The following TMEM74 variants were observed in gnomAD, a reference collection of about 807,000 sequenced individuals.
TMEM74 encodes the protein transmembrane protein 74.
TMEM74 carries 13 observed loss-of-function variants against 18.1 expected under a neutral mutation model. The ratio of observed to expected loss-of-function variants is 0.72; its 90% CI spans 0.47 to 1.14. TMEM74 has a LOEUF of 1.14. TMEM74 is among the 50% of genes most tolerant of loss of function. The pLI, the probability that TMEM74 is intolerant of heterozygous loss-of-function variation, is 0.00. For synonymous variants in TMEM74, 159 were observed against 146.6 expected (o/e 1.08, Z -0.61); for missense variants, 372 against 375.9 (o/e 0.99, Z 0.09).
chr8:108,627,144 G>A (rs570067277), intron 2 of TMEM74, among the ~76,000 whole-genome samples: 1 of 151,862 alleles, frequency 6.6e-6, no homozygotes, highest in Non-Finnish European at 1.5e-5. Context: ...TTATTACTTG[G>A]GTTTTTAGAG....
chr8:108,688,991 G>T (rs1813198275), intron 1 of TMEM74, among the ~76,000 whole-genome samples: 1 of 152,162 alleles, frequency 6.6e-6, no homozygotes, highest in Non-Finnish European at 1.5e-5. Context: ...TATGCCAAGG[G>T]AATGGGGGTG....
At chr8:108,768,575 G>T (rs1814135692) in intron 1 of TMEM74, among the ~76,000 whole-genome samples, 1 of 152,076 alleles carries the variant, frequency 6.6e-6, no homozygotes, top group African/African-American at 2.4e-5. Flanking sequence ...AGCTCCTCCT[G>T]TAACCCAAGT....
intron 1 of TMEM74, among the ~76,000 whole-genome samples, chr8:108,686,891 C>T (rs4735074): frequency 1.3e-5 from 2 of 151,794 alleles, no homozygotes; most frequent in African/African-American, 2.4e-5. Context: ...ATCAACACTC[C>T]CATAAGGAAG....
chr8:108,743,843 A>G (rs1222912321), intron 1 of TMEM74, among the ~76,000 whole-genome samples: 2 of 152,092 alleles, frequency 1.3e-5, no homozygotes, highest in Non-Finnish European at 2.9e-5. Context: ...ACCTCCCTCC[A>G]GGGGCACTCT....
At chr8:108,624,629 G>T (rs899607463) in intron 2 of TMEM74, among the ~76,000 whole-genome samples, 2 of 151,924 alleles carry the variant, frequency 1.3e-5, no homozygotes, top group Non-Finnish European at 2.9e-5. Flanking sequence ...TCAACAGTAG[G>T]ACACTCTATT....
intron 2 of TMEM74, among the ~76,000 whole-genome samples, chr8:108,611,270 A>G (rs893417626): frequency 5.3e-5 from 8 of 152,170 alleles, no homozygotes; most frequent in Admixed American, 4.6e-4. Context: ...TTCCATTTCC[A>G]AAGATTTAGG....
chr8:108,632,687 A>G (rs1037729268), intron 2 of TMEM74, among the ~76,000 whole-genome samples: 1 of 152,122 alleles, frequency 6.6e-6, no homozygotes, highest in African/African-American at 2.4e-5. Context: ...TAACATGTTA[A>G]TATGTTAGAT....
chr8:108,695,291 T>C (rs1813269714), intron 1 of TMEM74, among the ~76,000 whole-genome samples: 1 of 152,170 alleles, frequency 6.6e-6, no homozygotes, highest in Non-Finnish European at 1.5e-5. Context: ...TTAGCTAAAT[T>C]AATGCAATGC....
chr8:108,688,334 C>T (rs1293509371), intron 1 of TMEM74, among the ~76,000 whole-genome samples: 2 of 152,188 alleles, frequency 1.3e-5, no homozygotes, highest in Admixed American at 6.5e-5. Context: ...TTAGATACTG[C>T]CCTTGAGCGT....
At chr8:108,666,927 T>A (rs917041125) in intron 1 of TMEM74, among the ~76,000 whole-genome samples, 5 of 152,158 alleles carry the variant, frequency 3.3e-5, no homozygotes, top group Admixed American at 1.3e-4. Flanking sequence ...TGATTTTTGT[T>A]CAAACTTATT....
chr8:108,703,634 T>C (rs1043733479), intron 1 of TMEM74, among the ~76,000 whole-genome samples: 1 of 152,258 alleles, frequency 6.6e-6, no homozygotes, highest in African/African-American at 2.4e-5. Context: ...TTCATACTTA[T>C]GCCTGTGGCT....
chr8:108,665,195 G>T (rs1812936813), intron 1 of TMEM74, among the ~76,000 whole-genome samples: 1 of 152,142 alleles, frequency 6.6e-6, no homozygotes, highest in Non-Finnish European at 1.5e-5. Context: ...TGCATGTTCT[G>T]TGCCAGAAAC....
chr8:108,613,430 A>G lies in TMEM74; in HGVS notation n.265-4604T>C, dbSNP rs1812354212. On this transcript the variant is annotated intron_variant and non_coding_transcript_variant, in intron 2 of 3. Coordinates refer to the TMEM74 transcript ENST00000518838. ...AGAAGATCAGGAATATCCAATCAGGAATCAATTAATGGGAGAGAAGAATAC... is the reference window on the plus strand; with the variant it reads ...AGAAGATCAGGAATATCCAATCAGGGATCAATTAATGGGAGAGAAGAATAC... 2.0e-5 allele frequency among the ~76,000 whole-genome samples: 3 copies of G among 152,226 alleles called. No homozygotes were observed. The South Asian group carries it at 6.2e-4, about 32-fold the overall frequency.
intron 1 of TMEM74, among the ~76,000 whole-genome samples, chr8:108,674,270 A>G (rs1234727404): frequency 6.6e-6 from 1 of 152,154 alleles, no homozygotes; most frequent in African/African-American, 2.4e-5. Flanking sequence ...GGTGCTTCAT[A>G]AGTTTGTTAA....
In TMEM74 at chr8:108,726,774, G is replaced by T. The variant is rs570404479; in HGVS notation, n.119+60702C>A. ...AGACAAACGACCATGTCCTTGTAGG[G>T]CTTACATGCTGGAGGGTTGAGGTGA... On this transcript the variant is annotated intron_variant and non_coding_transcript_variant, in intron 1 of 3. Transcript: ENST00000518838. Among the ~76,000 whole-genome samples the T allele has an allele frequency of 9.2e-5, 14 of 151,944 alleles. No individual in the cohort carries two copies. In the South Asian group the frequency reaches 2.3e-3, roughly 25 times the overall value.
intron 2 of TMEM74, among the ~76,000 whole-genome samples, chr8:108,631,624 G>A (rs1248815022): frequency 1.3e-5 from 2 of 151,924 alleles, no homozygotes; most frequent in African/African-American, 4.8e-5. Context: ...TTAGACCTTT[G>A]TCGGATGCAT....
At chr8:108,625,554 A>T (rs1290621079) in intron 2 of TMEM74, among the ~76,000 whole-genome samples, 1 of 152,038 alleles carries the variant, frequency 6.6e-6, no homozygotes, top group Non-Finnish European at 1.5e-5. Flanking sequence ...AAAATTATGT[A>T]TTGCAGATGT....
chr8:108,695,541 G>A (rs551468241), intron 1 of TMEM74, among the ~76,000 whole-genome samples: 1 of 152,216 alleles, frequency 6.6e-6, no homozygotes, highest in Non-Finnish European at 1.5e-5. Context: ...AATGAAGCAG[G>A]GAGGCACAAT....
At chr8:108,618,456 A>T (rs966743737) in intron 2 of TMEM74, among the ~76,000 whole-genome samples, 6 of 152,106 alleles carry the variant, frequency 3.9e-5, no homozygotes, top group African/African-American at 1.4e-4. Context: ...ATCATCTGTG[A>T]CCTAAGGAAC....
Sources: allele counts gnomAD v4.1 joint callset (sites outside exome capture counted in the v4.1 genomes callset), GRCh38; gene constraint gnomAD v4.1.1; transcripts MANE v1.5; gene names NCBI Gene and HGNC (gene_info 2026-07-23, HGNC 2026-07-21).